Variants in TMEM161B observed in about 807,000 individuals in gnomAD.
The protein encoded by TMEM161B is transmembrane protein 161B.
In TMEM161B, 34 loss-of-function variants were observed where a neutral mutation model predicts 61.8. That is an observed-to-expected ratio of 0.55 (90% CI 0.42 to 0.73). The LOEUF is 0.73. Among genes scored for constraint, TMEM161B ranks in the 30% least tolerant of loss-of-function variants. The pLI is 0.00. For missense variants in TMEM161B, 456 were observed against 558.5 expected (o/e 0.82, Z 1.85); for synonymous variants, 167 against 192.8 (o/e 0.87, Z 1.11).
intron 2 of TMEM161B, among the ~76,000 whole-genome samples, chr5:88,234,427 T>C (rs1561383529): frequency 6.6e-6 from 1 of 152,190 alleles, no homozygotes; most frequent in Admixed American, 6.5e-5. Flanking sequence ...CTAAGGTCTG[T>C]GATCATAGAT....
intron 5 of TMEM161B, among the ~76,000 whole-genome samples, chr5:88,214,480 A>G (rs1313708588): frequency 1.3e-5 from 2 of 152,064 alleles, no homozygotes; most frequent in African/African-American, 2.4e-5. Context: ...ATTGTAAAAT[A>G]TTTTCATTTT....
At chr5:88,212,763 A>C (rs993400886) in intron 5 of TMEM161B, among the ~76,000 whole-genome samples, 7 of 152,190 alleles carry the variant, frequency 4.6e-5, no homozygotes, top group African/African-American at 1.7e-4. Context: ...CAGGAGGCTG[A>C]GGCTGCAACG....
At chr5:88,251,401 G>A (rs1754325706) in intron 1 of TMEM161B, among the ~76,000 whole-genome samples, 1 of 152,002 alleles carries the variant, frequency 6.6e-6, no homozygotes, top group Non-Finnish European at 1.5e-5. Flanking sequence ...CATCTTAACA[G>A]AACTCAAGCT....
intron 2 of TMEM161B, among the ~76,000 whole-genome samples, chr5:88,231,552 A>G (rs960788335): frequency 6.6e-6 from 1 of 152,260 alleles, no homozygotes; most frequent in Non-Finnish European, 1.5e-5. Flanking sequence ...TTACTGGCAT[A>G]GAGCAAGTGC....
intron 2 of TMEM161B, among the ~76,000 whole-genome samples, chr5:88,229,814 G>A (rs1224949546): frequency 6.6e-6 from 1 of 151,282 alleles, no homozygotes; most frequent in African/African-American, 2.4e-5. Context: ...TCGAACTCCT[G>A]GCTTCAAAGG....
intron 3 of TMEM161B, 43 bp downstream of exon 3, chr5:88,228,402 T>C: frequency 7.5e-7 from 1 of 1,328,154 alleles, no homozygotes; most frequent in Non-Finnish European, 1.1e-6. Context: ...TTTATATAAA[T>C]TGTGTTAAAT....
At chr5:88,220,863 A>G in intron 4 of TMEM161B, 144 bp from the exon 5 acceptor site, 1 of 1,187,258 alleles carries the variant, frequency 8.4e-7, no homozygotes. Context: ...ATTTACAAAT[A>G]TATGAATCTA....
At chr5:88,242,832 AAAG>A (rs752971193) in intron 1 of TMEM161B, among the ~76,000 whole-genome samples, 35 of 151,712 alleles carry the variant, frequency 2.3e-4, no homozygotes, top group Non-Finnish European at 4.1e-4. Flanking sequence ...CTAAATGATA[AAAG>A]AAGATCAAAA....
chr5:88,215,037 C>A (rs357519), intron 5 of TMEM161B, among the ~76,000 whole-genome samples: 130,776 of 152,234 alleles, frequency 0.86, 56,210 homozygotes, highest in Non-Finnish European at 0.88. Flanking sequence ...TGTCACATAT[C>A]AGTGAGGGGG....
At position 88,189,862 on chromosome 5, in the gene TMEM161B, C is replaced by T. The variant is rs889096524; in HGVS notation, c.*190G>A. ...CATTTTAATCCTTTTTCCTGACATACTTTCCCTAAACTATTTTTGATAGTC... is the reference window on the plus strand; with the variant it reads ...CATTTTAATCCTTTTTCCTGACATATTTTCCCTAAACTATTTTTGATAGTC... On this transcript the variant is annotated 3_prime_UTR_variant, in exon 13 of 13. Transcript: ENST00000514135. 49 of 569,180 alleles carry T rather than the reference C, an allele frequency of 8.6e-5. No individual in the cohort carries two copies. The Admixed American group carries it at 1.3e-3, about 15-fold the overall frequency. 35.3% of individuals were successfully genotyped at this position (569,180 alleles called of 1,614,324 possible). A position where few individuals can be genotyped will look rare whatever the true frequency, so the allele number is the denominator to read the frequency against.
chr5:88,234,320 T>C (rs1751506596), intron 2 of TMEM161B, among the ~76,000 whole-genome samples: 1 of 152,100 alleles, frequency 6.6e-6, no homozygotes. Flanking sequence ...GAGGCTGAGG[T>C]ACAGATGCTT....
chr5:88,268,283 G>A (rs1425341434), intron 1 of TMEM161B, among the ~76,000 whole-genome samples: 2 of 152,204 alleles, frequency 1.3e-5, no homozygotes, highest in African/African-American at 4.8e-5. Flanking sequence ...GACAGGTGTT[G>A]ATCTTATACA....
rs115381233 is a variant in TMEM161B, at chr5:88,227,819, C to T, written c.191+626G>A. On this transcript the variant is annotated intron_variant, in intron 3 of 11. Coordinates refer to ENST00000296595, the MANE Select transcript of TMEM161B (RefSeq NM_153354.5). Reference sequence around the variant, plus strand: ...CATTCAGAGAGGTAATTAACATACACTTTCCCTAAGAATTCTATTTAAATA... The same window carrying T: ...CATTCAGAGAGGTAATTAACATACATTTTCCCTAAGAATTCTATTTAAATA... Among the ~76,000 whole-genome samples, 780 of 152,256 alleles carry T rather than the reference C, an allele frequency of 5.1e-3. 13 individuals are homozygous for T. Among genetic ancestry groups the T allele is most frequent in the African/African-American group, 0.018 (753 of 41,552 alleles).
chr5:88,235,214 G>A (rs1751643126), intron 2 of TMEM161B, among the ~76,000 whole-genome samples: 1 of 152,130 alleles, frequency 6.6e-6, no homozygotes, highest in Non-Finnish European at 1.5e-5. Context: ...AGCATTTATA[G>A]TGCTTTAGAA....
chr5:88,229,602 G>C (rs1750643738), intron 2 of TMEM161B, among the ~76,000 whole-genome samples: 2 of 150,108 alleles, frequency 1.3e-5, no homozygotes, highest in South Asian at 4.3e-4. Flanking sequence ...TCCTCACAGG[G>C]AAAAGCAATG....
chr5:88,249,799 C>G (rs1224716555), intron 1 of TMEM161B, among the ~76,000 whole-genome samples: 2 of 152,120 alleles, frequency 1.3e-5, no homozygotes, highest in Non-Finnish European at 2.9e-5. Flanking sequence ...CCTTTCAGAT[C>G]AGCTGTTTCA....
intron 2 of TMEM161B, among the ~76,000 whole-genome samples, chr5:88,229,350 GAGACCTTAGTTC>G (rs1175132322): frequency 1.3e-5 from 2 of 152,052 alleles, no homozygotes; most frequent in African/African-American, 2.4e-5. Context: ...CCCTACTGCA[GAGACCTTAGTTC>G]AGACCTTAGT....
intron 1 of TMEM161B, among the ~76,000 whole-genome samples, chr5:88,259,708 C>T (rs1180003958): frequency 6.6e-6 from 1 of 152,198 alleles, no homozygotes; most frequent in Admixed American, 6.5e-5. Context: ...AAATGTCAAT[C>T]AGTACTGCTA....
intron 1 of TMEM161B, among the ~76,000 whole-genome samples, chr5:88,261,730 CAAAAAAAAAAAAA>C (rs70996464): frequency 2.0e-5 from 1 of 49,292 alleles, no homozygotes; most frequent in Non-Finnish European, 3.5e-5. Context: ...CATTCATGTG[CAAAAAAAAAAAAA>C]AAAAAAAAGA....
Sources: gnomAD v4.1 joint callset for allele counts (sites outside exome capture counted in the v4.1 genomes callset) on GRCh38, gnomAD v4.1.1 for gene constraint, MANE v1.5 for transcripts, NCBI Gene and HGNC (gene_info 2026-07-23, HGNC 2026-07-21) for gene names.